The following DCLK1 variants were observed in gnomAD, a reference collection of about 807,000 sequenced individuals.
DCLK1 encodes the protein doublecortin like kinase 1, also known as serine/threonine-protein kinase DCLK1.
DCLK1 carries 16 observed loss-of-function variants against 86.2 expected under a neutral mutation model. The ratio of observed to expected loss-of-function variants is 0.19; its 90% CI spans 0.13 to 0.28. The LOEUF is 0.28. Among genes scored for constraint, DCLK1 ranks in the 10% least tolerant of loss-of-function variants. The probability of loss-of-function intolerance (pLI) is 1.00; values close to 1 mark genes in which losing one functional copy is unlikely to be tolerated. For synonymous variants in DCLK1, 369 were observed against 370.5 expected, an observed-to-expected ratio of 1.00 and a Z score of 0.05; for missense variants, 590 against 940.2, an observed-to-expected ratio of 0.63 and a Z score of 4.87.
intron 3 of DCLK1, among the ~76,000 whole-genome samples, chr13:35,998,863 T>G (rs1880588810): frequency 6.6e-6 from 1 of 152,188 alleles, no homozygotes. Flanking sequence ...CATTTACTGC[T>G]TTTTATCACT....
At chr13:35,895,286 G>GC (rs1873888102) in intron 4 of DCLK1, among the ~76,000 whole-genome samples, 2 of 136,386 alleles carry the variant, frequency 1.5e-5, no homozygotes, top group African/African-American at 7.1e-5. Flanking sequence ...AACAGGAAAG[G>GC]TAAAAAAAAA....
At chr13:35,855,563 G>A (rs753416718) in intron 5 of DCLK1, 14 of 1,595,898 alleles carry the variant, frequency 8.8e-6, no homozygotes, top group African/African-American at 1.3e-5. Context: ...GAATACCAAC[G>A]GCGGAATCCC....
chr13:36,001,967 T>C (rs1443733634), intron 3 of DCLK1, among the ~76,000 whole-genome samples: 6 of 152,174 alleles, frequency 3.9e-5, no homozygotes, highest in Non-Finnish European at 8.8e-5. Flanking sequence ...TACAAAGAAC[T>C]GTTTTTAGCT....
chr13:35,868,010 C>A (rs2153114010), intron 5 of DCLK1, among the ~76,000 whole-genome samples: 1 of 147,934 alleles, frequency 6.8e-6, no homozygotes, highest in Non-Finnish European at 1.5e-5. Flanking sequence ...GAGTATCTAA[C>A]AACCTACAGC....
intron 6 of DCLK1, among the ~76,000 whole-genome samples, chr13:35,852,459 C>T (rs977170665): frequency 2.6e-5 from 4 of 152,204 alleles, no homozygotes; most frequent in Admixed American, 2.6e-4. Flanking sequence ...CCCTGCCTCA[C>T]AACATGTGCT....
chr13:35,876,439 T>C lies in DCLK1; in HGVS notation c.824-5099A>G, dbSNP rs548284014. On this transcript the variant is annotated intron_variant, in intron 4 of 16. Transcript: ENST00000360631. The stretch of plus-strand genomic sequence containing the variant: ...TGAAGAATATTGCAGTGCCAAGCCG[T>C]AAATTATAAAAAACAAAAACAAAAA... 2.0e-5 allele frequency among the ~76,000 whole-genome samples: 3 copies of C among 152,348 alleles called. No homozygotes were observed. The East Asian group carries it at 5.8e-4, about 29-fold the overall frequency.
At chr13:36,042,061 A>G (rs144151975) in intron 3 of DCLK1, among the ~76,000 whole-genome samples, 2,281 of 152,260 alleles carry the variant, frequency 0.015, 21 homozygotes, top group Non-Finnish European at 0.026. Context: ...GGCTGTGAAC[A>G]CAGTGTAAAG....
chr13:35,943,860 A>G (rs1377981912), intron 4 of DCLK1, among the ~76,000 whole-genome samples: 1 of 152,152 alleles, frequency 6.6e-6, no homozygotes, highest in African/African-American at 2.4e-5. Flanking sequence ...CCTGTCTCCA[A>G]TGTGACATTT....
At chr13:35,903,816 A>G (rs538405979) in intron 4 of DCLK1, among the ~76,000 whole-genome samples, 1 of 152,244 alleles carries the variant, frequency 6.6e-6, no homozygotes, top group Non-Finnish European at 1.5e-5. Flanking sequence ...GCATAAAGTC[A>G]CTTGTGATCC....
At chr13:35,938,190 G>A (rs1469484780) in intron 4 of DCLK1, among the ~76,000 whole-genome samples, 1 of 152,176 alleles carries the variant, frequency 6.6e-6, no homozygotes, top group Non-Finnish European at 1.5e-5. Flanking sequence ...AGTTTACAGT[G>A]AGTGACTTTG....
intron 4 of DCLK1, among the ~76,000 whole-genome samples, chr13:35,897,082 C>T (rs771816295): frequency 1.3e-5 from 2 of 152,012 alleles, no homozygotes; most frequent in Admixed American, 6.6e-5. Context: ...ATTATCGGGC[C>T]ATTGAATTAG....
At chr13:35,902,089 A>G (rs1036406804) in intron 4 of DCLK1, among the ~76,000 whole-genome samples, 2 of 152,150 alleles carry the variant, frequency 1.3e-5, no homozygotes. Context: ...TATGCACAGG[A>G]AGTATTTAAT....
chr13:35,839,046 C>T, intron 7 of DCLK1, 46 bp downstream of exon 7: 1 of 1,539,370 alleles, frequency 6.5e-7, no homozygotes, highest in Non-Finnish European at 8.8e-7. Flanking sequence ...TAAATTTAGC[C>T]AACCCATCCT....
Position 35,839,151 on chromosome 13 carries a change from G to A in DCLK1, c.1061C>T (p.Thr354Met), listed in dbSNP as rs200878326. The A allele has an allele frequency of 3.4e-5, 54 of 1,589,538 alleles. No homozygotes were observed. The highest frequency in any genetic ancestry group is 1.7e-4 in the Middle Eastern group (1 of 6,054). Residue 354 changes from threonine to methionine, a missense_variant, in exon 7 of 17, where the codon ACG becomes ATG. By Grantham distance (81) the Thr-to-Met change is moderately conservative. Around this residue, in one of 6 missense-constraint regions of DCLK1, gnomAD observed 63 missense variants for 64.3 expected, o/e 0.98. Transcript: ENST00000360631. ...GCAGACTTTGGTGGACGCAAGTGAC[G>A]TAGAGGAGCCGCCATGCTGAGAGCT... Reference protein sequence around the residue: ...QRSSQHGGSSTSLASTKVCSS... With the variant: ...QRSSQHGGSSMSLASTKVCSS...
chr13:35,895,649 A>G (rs1269989299), intron 4 of DCLK1, among the ~76,000 whole-genome samples: 2 of 152,086 alleles, frequency 1.3e-5, no homozygotes, highest in Non-Finnish European at 2.9e-5. Flanking sequence ...TTATGACAAG[A>G]TTTTAGAGAG....
chr13:36,067,386 C>T (rs1883795497), intron 3 of DCLK1, among the ~76,000 whole-genome samples: 2 of 134,110 alleles, frequency 1.5e-5, no homozygotes, highest in Non-Finnish European at 3.1e-5. Context: ...GGAAGGGGAA[C>T]ATCACACCCT....
At chr13:35,899,773 A>T (rs1300881459) in intron 4 of DCLK1, among the ~76,000 whole-genome samples, 1 of 152,218 alleles carries the variant, frequency 6.6e-6, no homozygotes, top group Non-Finnish European at 1.5e-5. Context: ...GTGGGAAGGG[A>T]ATTAAATGCA....
At chr13:35,924,017 C>T (rs180889567) in intron 4 of DCLK1, among the ~76,000 whole-genome samples, 7 of 152,274 alleles carry the variant, frequency 4.6e-5, no homozygotes, top group Non-Finnish European at 5.9e-5. Context: ...CCAATTACCA[C>T]GTCACCCACC....
intron 3 of DCLK1, among the ~76,000 whole-genome samples, chr13:36,022,768 C>T (rs1881839687): frequency 6.6e-6 from 1 of 152,096 alleles, no homozygotes; most frequent in Non-Finnish European, 1.5e-5. Flanking sequence ...AATCAAAAAA[C>T]ATTCCACAAG....
Sources: gnomAD v4.1 joint callset for allele counts (sites outside exome capture counted in the v4.1 genomes callset) on GRCh38, gnomAD v4.1.1 for gene constraint, gnomAD v4.1.1 regional missense constraint, MANE v1.5 for transcripts, NCBI Gene and HGNC (gene_info 2026-07-23, HGNC 2026-07-21) for gene names.